Variants in LRRC28 observed in about 807,000 individuals in gnomAD.
LRRC28 encodes leucine-rich repeat-containing protein 28.
Under a neutral mutation model 45.7 loss-of-function variants are expected in LRRC28, and 39 were observed. That is an observed-to-expected ratio of 0.85 (90% CI 0.66 to 1.12). The LOEUF is 1.12. LRRC28 is among the 50% of genes most tolerant of loss of function. LRRC28 has a pLI of 0.00. For synonymous variants in LRRC28, 206 were observed against 178.8 expected (o/e 1.15, Z -1.22); for missense variants, 435 against 438.5 (o/e 0.99, Z 0.07).
intron 9 of LRRC28, among the ~76,000 whole-genome samples, chr15:99,364,443 T>C (rs1445931479): frequency 1.3e-5 from 2 of 152,238 alleles, no homozygotes; most frequent in Non-Finnish European, 1.5e-5. Flanking sequence ...TTTTAATGTT[T>C]CCTGCTTACA....
chr15:99,295,173 A>C (rs2082231137), intron 5 of LRRC28, among the ~76,000 whole-genome samples: 1 of 152,122 alleles, frequency 6.6e-6, no homozygotes. Context: ...ATGTCCTTTG[A>C]TTACTGATCC....
intron 9 of LRRC28, among the ~76,000 whole-genome samples, chr15:99,365,023 G>A (rs1287718683): frequency 1.3e-5 from 2 of 152,142 alleles, no homozygotes; most frequent in African/African-American, 4.8e-5. Context: ...ATATGAAAAT[G>A]TAAACAAAAT....
At chr15:99,294,790 C>G (rs1165102955) in intron 5 of LRRC28, among the ~76,000 whole-genome samples, 1 of 152,174 alleles carries the variant, frequency 6.6e-6, no homozygotes, top group Non-Finnish European at 1.5e-5. Context: ...GGTGGGGACA[C>G]AAACATTCAA....
chr15:99,349,999 G>A (rs1033705257), intron 6 of LRRC28, among the ~76,000 whole-genome samples: 20 of 151,772 alleles, frequency 1.3e-4, no homozygotes, highest in African/African-American at 3.1e-4. Flanking sequence ...AGCCGGGCGC[G>A]GTGGCGGGCG....
rs111459163 is a variant in LRRC28, at chr15:99,328,379, G to A, written c.386-5544G>A. Among the ~76,000 whole-genome samples, 497 of 152,234 alleles carry A rather than the reference G, an allele frequency of 3.3e-3. 4 individuals carry two copies. Among genetic ancestry groups the A allele is most frequent in the African/African-American group, 0.01 (431 of 41,524 alleles). The stretch of plus-strand genomic sequence containing the variant: ...CCTGAATGTTGAAATCCTGAAAGCC[G>A]AATTCTAGGGAAGGAGTTTTAGTAC... On this transcript the variant is annotated intron_variant, in intron 5 of 9. Transcript: ENST00000301981.
intron 6 of LRRC28, among the ~76,000 whole-genome samples, chr15:99,344,244 T>G (rs1033080489): frequency 1.3e-5 from 2 of 152,210 alleles, no homozygotes; most frequent in African/African-American, 2.4e-5. Flanking sequence ...AAAGGTACTC[T>G]TATCCCCTTG....
At chr15:99,330,892 ATCT>A (rs1476987602) in intron 5 of LRRC28, among the ~76,000 whole-genome samples, 1 of 151,842 alleles carries the variant, frequency 6.6e-6, no homozygotes, top group African/African-American at 2.4e-5. Flanking sequence ...ATTTTTAGTT[ATCT>A]TCTTGTTTCC....
In LRRC28 at chr15:99,255,883, T is replaced by A; in HGVS notation, c.-60-15T>A. On this transcript the variant is annotated splice_polypyrimidine_tract_variant and intron_variant, in intron 1 of 9. Transcript: ENST00000301981. ...AAAATCTTACAATGAATAAATTTTC[T>A]CGTTCTCTTTATAGAAATGGACCAA... 4 of 1,467,668 alleles carry A rather than the reference T, an allele frequency of 2.7e-6. No homozygotes were observed. Among genetic ancestry groups the A allele is most frequent in the Non-Finnish European group, 3.6e-6 (4 of 1,099,070 alleles). The allele number at this position is 1,467,668 out of a possible 1,614,324, so 90.9% of individuals were successfully genotyped here. A position where few individuals can be genotyped will look rare whatever the true frequency, so the allele number is the denominator to read the frequency against.
chr15:99,270,801 A>G (rs996997934), intron 2 of LRRC28, among the ~76,000 whole-genome samples: 1 of 152,216 alleles, frequency 6.6e-6, no homozygotes, highest in Non-Finnish European at 1.5e-5. Flanking sequence ...GAGCGGAATT[A>G]CAGGGTCATA....
chr15:99,369,380 G>A (rs1236446293), intron 9 of LRRC28, among the ~76,000 whole-genome samples: 1 of 152,140 alleles, frequency 6.6e-6, no homozygotes, highest in Non-Finnish European at 1.5e-5. Flanking sequence ...CACATTGAAA[G>A]AGAGAGAATG....
At chr15:99,315,256 C>T (rs942565271) in intron 5 of LRRC28, among the ~76,000 whole-genome samples, 2 of 152,038 alleles carry the variant, frequency 1.3e-5, no homozygotes, top group African/African-American at 4.8e-5. Flanking sequence ...ACAGTAATAT[C>T]TAGGTAACAG....
intron 5 of LRRC28, among the ~76,000 whole-genome samples, chr15:99,301,390 A>G (rs1451732871): frequency 6.6e-6 from 1 of 152,162 alleles, no homozygotes; most frequent in Non-Finnish European, 1.5e-5. Context: ...ACCAACCACC[A>G]TATCTATTTT....
At chr15:99,273,619 T>C (rs970327416) in intron 2 of LRRC28, among the ~76,000 whole-genome samples, 1 of 152,230 alleles carries the variant, frequency 6.6e-6, no homozygotes, top group Non-Finnish European at 1.5e-5. Context: ...AAAAACACAA[T>C]GTATCTACTT....
At chr15:99,333,137 G>T (rs1290427195) in intron 5 of LRRC28, among the ~76,000 whole-genome samples, 1 of 152,134 alleles carries the variant, frequency 6.6e-6, no homozygotes, top group African/African-American at 2.4e-5. Flanking sequence ...TCCCTGAGAA[G>T]GACTAAGTTC....
At chr15:99,270,627 C>G (rs955130275) in intron 2 of LRRC28, among the ~76,000 whole-genome samples, 2 of 152,036 alleles carry the variant, frequency 1.3e-5, no homozygotes, top group Admixed American at 6.6e-5. Context: ...TGTGTGATTC[C>G]GTAGGGATTC....
intron 9 of LRRC28, among the ~76,000 whole-genome samples, chr15:99,369,131 T>C (rs1957414924): frequency 6.6e-6 from 1 of 152,228 alleles, no homozygotes; most frequent in South Asian, 2.1e-4. Flanking sequence ...TTTAACATTT[T>C]TATTTCTAGC....
chr15:99,327,902 A>G (rs1956036724), intron 5 of LRRC28, among the ~76,000 whole-genome samples: 1 of 152,098 alleles, frequency 6.6e-6, no homozygotes, highest in Non-Finnish European at 1.5e-5. Context: ...GCATTTTGAT[A>G]TCTTGTGTTG....
At position 99,282,177 on chromosome 15, in the gene LRRC28, G is replaced by GTTT. The variant is rs766338889; in HGVS notation, c.210-5068_210-5066dup. On this transcript the variant is annotated intron_variant, in intron 3 of 9. Coordinates refer to ENST00000301981, the MANE Select transcript of LRRC28 (RefSeq NM_144598.5). ...GGATTCCTTATGCAAATTTTTGGAG[G>GTTT]TTTTTTTTTTTTTTGTAGCAGTAGC... Among the ~76,000 whole-genome samples, 5 of 98,058 alleles carry GTTT rather than the reference G, an allele frequency of 5.1e-5. 1 individual carries two copies. Among genetic ancestry groups the GTTT allele is most frequent in the African/African-American group, 9.6e-5 (2 of 20,780 alleles). 64.3% of individuals were successfully genotyped at this position (98,058 alleles called of 152,430 possible).
chr15:99,342,454 T>C (rs1302270446), intron 6 of LRRC28, among the ~76,000 whole-genome samples: 2 of 152,242 alleles, frequency 1.3e-5, no homozygotes, highest in Non-Finnish European at 2.9e-5. Context: ...CGGAAGGTTA[T>C]TGAAGTCTCA....
Sources: allele counts gnomAD v4.1 joint callset (sites outside exome capture counted in the v4.1 genomes callset), GRCh38; gene constraint gnomAD v4.1.1; transcripts MANE v1.5; gene names NCBI Gene and HGNC (gene_info 2026-07-23, HGNC 2026-07-21).